Variants in GDI2 observed in about 807,000 individuals in gnomAD.
GDI2 encodes rab GDP dissociation inhibitor beta.
In GDI2, 22 loss-of-function variants were observed where a neutral mutation model predicts 54.2. The observed-to-expected ratio is 0.41, with a 90% CI of 0.29 to 0.58. GDI2 has a LOEUF of 0.58. Among genes scored for constraint, GDI2 ranks in the 20% least tolerant of loss-of-function variants. The probability of loss-of-function intolerance (pLI) is 0.35; values close to 1 mark genes in which losing one functional copy is unlikely to be tolerated. For missense variants in GDI2, 422 were observed against 546.0 expected, an observed-to-expected ratio of 0.77 and a Z score of 2.26; for synonymous variants, 177 against 182.1, an observed-to-expected ratio of 0.97 and a Z score of 0.23.
intron 2 of GDI2, among the ~76,000 whole-genome samples, chr10:5,799,454 C>A (rs1375825740): frequency 6.6e-6 from 1 of 151,890 alleles, no homozygotes; most frequent in Non-Finnish European, 1.5e-5. Context: ...GGGTTCCAGA[C>A]CAGCCTGGCC....
At chr10:5,805,155 T>C (rs1841349192) in intron 1 of GDI2, among the ~76,000 whole-genome samples, 1 of 151,908 alleles carries the variant, frequency 6.6e-6, no homozygotes, top group Non-Finnish European at 1.5e-5. Context: ...TTTCAGAGTG[T>C]ATGGCTAACC....
intron 6 of GDI2, among the ~76,000 whole-genome samples, chr10:5,784,018 T>G (rs1840817077): frequency 6.6e-6 from 1 of 152,212 alleles, no homozygotes; most frequent in African/African-American, 2.4e-5. Context: ...CCTCAATTAA[T>G]CCCTCAAATT....
intron 1 of GDI2, among the ~76,000 whole-genome samples, chr10:5,801,235 A>G (rs901687634): frequency 2.6e-5 from 4 of 152,092 alleles, no homozygotes; most frequent in Non-Finnish European, 5.9e-5. Context: ...TTACAGGCGT[A>G]AGCCATCGTG....
intron 1 of GDI2, among the ~76,000 whole-genome samples, chr10:5,812,920 T>C (rs1841507501): frequency 6.6e-6 from 1 of 152,022 alleles, no homozygotes; most frequent in African/African-American, 2.4e-5. Flanking sequence ...TCCCCTCCCC[T>C]CCGCTTCCGC....
intron 6 of GDI2, among the ~76,000 whole-genome samples, chr10:5,781,551 G>C (rs1380703382): frequency 6.7e-6 from 1 of 150,134 alleles, no homozygotes; most frequent in African/African-American, 2.5e-5. Context: ...CGTGAACCCA[G>C]GAGGCAGAGC....
At chr10:5,789,839 G>A (rs531034661) in intron 4 of GDI2, among the ~76,000 whole-genome samples, 1 of 152,320 alleles carries the variant, frequency 6.6e-6, no homozygotes, top group Admixed American at 6.5e-5. Flanking sequence ...AAGATTAACT[G>A]CAGTACATAC....
At position 5,766,305 on chromosome 10, in the gene GDI2, G is replaced by A. The variant is rs201187646; in HGVS notation, c.1137-10C>T. On this transcript the variant is annotated splice_polypyrimidine_tract_variant and intron_variant, in intron 9 of 10. Transcript: ENST00000380191. The surrounding 1 kb of genome is among the most constrained non-coding windows in gnomAD (Gnocchi z 5.8). ...ACTGATGCTAACAAATCTGGAGGGAGAGAGAATTCAGTCAGGTGAGCTGGT... is the reference window on the plus strand; with the variant it reads ...ACTGATGCTAACAAATCTGGAGGGAAAGAGAATTCAGTCAGGTGAGCTGGT... 532 of 1,609,886 alleles carry A rather than the reference G, an allele frequency of 3.3e-4. 6 individuals carry two copies. The South Asian group carries it at 3.3e-3, about 10-fold the overall frequency.
rs182970443 is a variant in GDI2, at chr10:5,793,969, G to C, written c.388+916C>G. 1.1e-3 allele frequency among the ~76,000 whole-genome samples: 164 copies of C among 151,656 alleles called. 3 individuals carry two copies. In the East Asian group the frequency reaches 0.023, roughly 21 times the overall value. ...ACCTGAGGTCAGGAGTTCAAGACCA[G>C]CCTGGCCAACATGGTGAAACACCAT... On this transcript the variant is annotated intron_variant, in intron 4 of 10. Coordinates refer to ENST00000380191, the MANE Select transcript of GDI2 (RefSeq NM_001494.4).
intron 4 of GDI2, among the ~76,000 whole-genome samples, chr10:5,791,785 G>A (rs2890364): frequency 0.18 from 27,381 of 151,202 alleles, 2,789 homozygotes; most frequent in Admixed American, 0.24. Context: ...GTGTGGTGGC[G>A]TGCGCCTGTA....
At chr10:5,777,822 G>C (rs1045082766) in intron 6 of GDI2, among the ~76,000 whole-genome samples, 4 of 152,094 alleles carry the variant, frequency 2.6e-5, no homozygotes, top group Non-Finnish European at 2.9e-5. Context: ...GCTACTATAA[G>C]GACACATGCA....
intron 4 of GDI2, among the ~76,000 whole-genome samples, chr10:5,794,443 A>T (rs911726171): frequency 6.6e-6 from 1 of 151,732 alleles, no homozygotes; most frequent in Non-Finnish European, 1.5e-5. Context: ...CCAGCTACTT[A>T]TTACGTATGC....
In GDI2 at chr10:5,766,169, C is replaced by T. The variant is rs150236627; in HGVS notation, c.1192-17G>A. 213 of 1,613,182 alleles carry T rather than the reference C, an allele frequency of 1.3e-4. No individual in the cohort carries two copies. In the African/African-American group the frequency reaches 2.3e-3, roughly 17 times the overall value. On this transcript the variant is annotated splice_polypyrimidine_tract_variant and intron_variant, in intron 10 of 10. Coordinates refer to ENST00000380191, the MANE Select transcript of GDI2 (RefSeq NM_001494.4). This position sits in a 1 kb window ranked among gnomAD's most constrained non-coding sequence, Gnocchi z 5.8. ...AATAAAGATCTGAAAACAAAAATTA[C>T]GAAGACTTAAGACCATGGAGGGATG...
intron 1 of GDI2, among the ~76,000 whole-genome samples, chr10:5,801,471 G>C (rs968132163): frequency 1.3e-5 from 2 of 151,914 alleles, no homozygotes; most frequent in African/African-American, 4.8e-5. Context: ...GAGGTCAGAA[G>C]AGCAAGACCA....
intron 1 of GDI2, among the ~76,000 whole-genome samples, chr10:5,803,980 T>C: frequency 6.6e-6 from 1 of 152,232 alleles, no homozygotes; most frequent in Non-Finnish European, 1.5e-5. Context: ...TTTTTAAAAT[T>C]CACACAAATT....
intron 7 of GDI2, among the ~76,000 whole-genome samples, chr10:5,772,586 A>G (rs960599226): frequency 1.2e-4 from 18 of 151,986 alleles, no homozygotes; most frequent in African/African-American, 4.1e-4. Context: ...GTGAAACCCC[A>G]TCTCTACTAA....
intron 5 of GDI2, 65 bp from the exon 6 acceptor site, chr10:5,785,338 A>T: frequency 8.1e-7 from 1 of 1,231,554 alleles, no homozygotes; most frequent in Non-Finnish European, 1.1e-6. Context: ...TCAATTTATA[A>T]TTTTTTTTGA....
intron 8 of GDI2, among the ~76,000 whole-genome samples, chr10:5,767,949 G>C (rs1840396080): frequency 6.6e-6 from 1 of 152,196 alleles, no homozygotes; most frequent in African/African-American, 2.4e-5. Context: ...CTGTTAGTTA[G>C]AGCTGGGAGA....
At chr10:5,792,959 CAAAA>C (rs34475268) in intron 4 of GDI2, among the ~76,000 whole-genome samples, 5 of 92,006 alleles carry the variant, frequency 5.4e-5, no homozygotes, top group Admixed American at 1.1e-4. Flanking sequence ...GACCTTTGTC[CAAAA>C]AAAAAAAAAA....
At chr10:5,800,042 T>C (rs1841233747) in intron 2 of GDI2, among the ~76,000 whole-genome samples, 1 of 152,224 alleles carries the variant, frequency 6.6e-6, no homozygotes. Context: ...TGATGATATC[T>C]ATCTCCCATA....
Sources: allele counts gnomAD v4.1 joint callset (sites outside exome capture counted in the v4.1 genomes callset), GRCh38; gene constraint gnomAD v4.1.1; non-coding constraint Gnocchi (gnomAD v3.1); transcripts MANE v1.5; gene names NCBI Gene and HGNC (gene_info 2026-07-23, HGNC 2026-07-21).